The following TMEM8B variants were observed in gnomAD, a reference collection of about 807,000 sequenced individuals.
The protein encoded by TMEM8B is nasopharyngeal carcinoma expressed 6.
A neutral mutation model predicts 49.3 loss-of-function variants in TMEM8B; 29 were observed. The ratio of observed to expected loss-of-function variants is 0.59; its 90% CI spans 0.44 to 0.80. The LOEUF is 0.80. Among genes scored for constraint, TMEM8B ranks in the 30% least tolerant of loss-of-function variants. The probability of loss-of-function intolerance (pLI) is 0.00; values close to 1 mark genes in which losing one functional copy is unlikely to be tolerated. For missense variants in TMEM8B, 575 were observed against 658.5 expected (o/e 0.87, Z 1.39); for synonymous variants, 264 against 272.8 (o/e 0.97, Z 0.32).
Position 35,842,418 on chromosome 9 carries a change from G to T in TMEM8B, c.1336G>T (p.Ala446Ser), listed in dbSNP as rs754908600. The part of the protein sequence containing the change: ...QECPQPGLLR[A>S]LVPGAAMNMP... ...GTGCCCACAGCCCGGCCTGCTCCGAGCCCTGGTCCCTGGAGCTGCCATGAA... is the reference window on the plus strand; with the variant it reads ...GTGCCCACAGCCCGGCCTGCTCCGATCCCTGGTCCCTGGAGCTGCCATGAA... The change falls in exon 6 of 13, where the codon GCC (alanine) becomes TCC (serine). Residue 446 changes from alanine (A) to serine (S), a missense_variant. Ala to Ser is a moderately conservative substitution (Grantham distance 99). Coordinates refer to ENST00000643932, the MANE Select transcript of TMEM8B (RefSeq NM_001042590.4). The surrounding 1 kb of genome is among the most constrained non-coding windows in gnomAD (Gnocchi z 5.6). The T allele has an allele frequency of 1.9e-6, 3 of 1,544,372 alleles. No homozygotes were observed. Among genetic ancestry groups the T allele is most frequent in the African/African-American group, 2.7e-5 (2 of 73,290 alleles).
chr9:35,833,217 A>T, intron 1 of TMEM8B: 1 of 571,312 alleles, frequency 1.8e-6, no homozygotes. Context: ...AGATGATTGG[A>T]CTAGGTTAGC....
chr9:35,846,386 G>A lies in TMEM8B; in HGVS notation c.1853+5G>A. Reference sequence around the variant, plus strand: ...CCTGTGCGGGGTGGGGCCTCGGTGAGCGGTGCGGGGCGGGGCCAGGGCTGG... The same window carrying A: ...CCTGTGCGGGGTGGGGCCTCGGTGAACGGTGCGGGGCGGGGCCAGGGCTGG... On this transcript the variant is annotated splice_donor_5th_base_variant and intron_variant, in intron 8 of 12. Transcript: ENST00000643932. 1.2e-6 allele frequency: 2 copies of A among 1,609,672 alleles called. No individual in the cohort carries two copies. The highest frequency in any genetic ancestry group is 1.7e-6 in the Non-Finnish European group (2 of 1,177,792).
At chr9:35,843,851 T>C (rs1831256738) in intron 6 of TMEM8B, among the ~76,000 whole-genome samples, 1 of 150,552 alleles carries the variant, frequency 6.6e-6, no homozygotes, top group Non-Finnish European at 1.5e-5. Flanking sequence ...CAACCTCCAC[T>C]TCGCAGGTTC....
chr9:35,840,624 C>T (rs898991015), intron 3 of TMEM8B, among the ~76,000 whole-genome samples: 21 of 151,690 alleles, frequency 1.4e-4, no homozygotes, highest in African/African-American at 4.8e-5. Flanking sequence ...CACGTGGGAG[C>T]GGGGCAGGGT....
intron 3 of TMEM8B, among the ~76,000 whole-genome samples, chr9:35,839,744 A>C (rs189948748): frequency 6.6e-6 from 1 of 152,130 alleles, no homozygotes; most frequent in African/African-American, 2.4e-5. Context: ...AGGTGGGGTC[A>C]GTGCAGTGAC....
rs1829610227 is a variant in TMEM8B at position 35,829,427 on chromosome 9, G to GCCCCGC, written c.-11_-6dup. 5 of 342,548 alleles carry GCCCCGC rather than the reference G, an allele frequency of 1.5e-5. No homozygotes were observed. Among genetic ancestry groups the GCCCCGC allele is most frequent in the East Asian group, 1.3e-4 (3 of 23,346 alleles). 21.2% of individuals were successfully genotyped at this position (342,548 alleles called of 1,614,324 possible). ...CGAGCGCCCCGCGCTGGCCTGTCCG[G>GCCCCGC]CCCCGCCCCCGCCCCGGGCCATGGC... On this transcript the variant is annotated 5_prime_UTR_variant, in exon 1 of 13. Transcript: ENST00000643932.
rs1832259942 is a variant in TMEM8B, at chr9:35,852,698, C to A, written c.2176-129C>A. 12 of 1,080,218 alleles carry A rather than the reference C, an allele frequency of 1.1e-5. No homozygotes were observed. In the South Asian group the frequency reaches 1.8e-4, roughly 16 times the overall value. The allele number at this position is 1,080,218 out of a possible 1,614,324, so 66.9% of individuals were successfully genotyped here. ...TTGGGGAGTCAGGCATTTCCCAGATCTTCTCATCTGTGACCTTTCACCTCT... is the reference window on the plus strand; with the variant it reads ...TTGGGGAGTCAGGCATTTCCCAGATATTCTCATCTGTGACCTTTCACCTCT... On this transcript the variant is annotated intron_variant, in intron 10 of 12. Coordinates refer to ENST00000643932, the MANE Select transcript of TMEM8B (RefSeq NM_001042590.4).
At chr9:35,830,653 G>GTT (rs1452242803) in intron 1 of TMEM8B, among the ~76,000 whole-genome samples, 1 of 96,188 alleles carries the variant, frequency 1.0e-5, no homozygotes, top group Non-Finnish European at 2.4e-5. Context: ...TCATACTAGT[G>GTT]TGTTTTTTTT....
chr9:35,837,572 A>T (rs1830562109), intron 3 of TMEM8B, among the ~76,000 whole-genome samples: 2 of 152,084 alleles, frequency 1.3e-5, no homozygotes, highest in South Asian at 4.1e-4. Flanking sequence ...TGACATTTGA[A>T]CTGTATCCTG....
intron 10 of TMEM8B, among the ~76,000 whole-genome samples, chr9:35,851,738 TG>T (rs749197443): frequency 2.0e-5 from 3 of 152,218 alleles, no homozygotes; most frequent in Admixed American, 6.5e-5. Flanking sequence ...AGTTTCCTGA[TG>T]CCAATTTATA....
chr9:35,847,333 T>G, intron 10 of TMEM8B: 1 of 624,106 alleles, frequency 1.6e-6, no homozygotes, highest in Non-Finnish European at 2.9e-6. Context: ...GTCTGCACAG[T>G]CACCATGTTC....
At chr9:35,830,072 G>T (rs375514173) in intron 1 of TMEM8B, 117 bp downstream of exon 1, 1 of 403,026 alleles carries the variant, frequency 2.5e-6, no homozygotes, top group South Asian at 1.4e-4. Flanking sequence ...GAGCAAGTGG[G>T]AGAAATAGAG....
rs563621107 is a variant in TMEM8B, at chr9:35,865,207, C to T, written c.*11367C>T. ...GCCATAGGCTCCAGGCCCATAAGCC[C>T]GGCTTCACTAGGCCTGGGTGTCTGG... is the stretch of plus-strand genomic sequence containing the variant. On this transcript the variant is annotated 3_prime_UTR_variant, in exon 13 of 13. Transcript: ENST00000643932. The T allele has an allele frequency of 6.6e-6, 1 of 152,338 alleles. No individual in the cohort carries two copies. Among genetic ancestry groups the T allele is most frequent in the Admixed American group, 6.5e-5 (1 of 15,308 alleles). 9.4% of individuals were successfully genotyped at this position (152,338 alleles called of 1,614,324 possible).
Position 35,853,315 on chromosome 9 carries a change from C to G in TMEM8B, c.2439+58C>G, listed in dbSNP as rs1832324779. On this transcript the variant is annotated intron_variant, in intron 12 of 12. Coordinates refer to ENST00000643932, the MANE Select transcript of TMEM8B (RefSeq NM_001042590.4). This position sits in a 1 kb window ranked among gnomAD's most constrained non-coding sequence, Gnocchi z 4.2. ...CCAGCAGGACTTGGGTGCTGGGCCC[C>G]AGGTATCTGGTCCCCAGTTTAAGGT... 1 of 1,510,836 alleles carries G rather than the reference C, an allele frequency of 6.6e-7. No individual in the cohort carries two copies. Among genetic ancestry groups the G allele is most frequent in the Non-Finnish European group, 9.2e-7 (1 of 1,091,068 alleles). The allele number at this position is 1,510,836 out of a possible 1,614,324, so 93.6% of individuals were successfully genotyped here.
At position 35,846,387 on chromosome 9, in the gene TMEM8B, C is replaced by T. The variant is rs768832360; in HGVS notation, c.1853+6C>T. On this transcript the variant is annotated splice_donor_region_variant and intron_variant, in intron 8 of 12. Transcript: ENST00000643932. ...CTGTGCGGGGTGGGGCCTCGGTGAGCGGTGCGGGGCGGGGCCAGGGCTGGG... is the reference window on the plus strand; with the variant it reads ...CTGTGCGGGGTGGGGCCTCGGTGAGTGGTGCGGGGCGGGGCCAGGGCTGGG... 1.9e-6 allele frequency: 3 copies of T among 1,609,254 alleles called. No homozygotes were observed. The highest frequency in any genetic ancestry group is 1.7e-6 in the Non-Finnish European group (2 of 1,177,590).
chr9:35,846,731 C>A, intron 9 of TMEM8B, 86 bp from the exon 10 acceptor site: 3 of 1,544,822 alleles, frequency 1.9e-6, no homozygotes, highest in African/African-American at 1.4e-5. Context: ...TTGGCAGAGC[C>A]GGGGTGAGAC....
In TMEM8B at chr9:35,853,969, AACTCTTCC is replaced by A; in HGVS notation, c.*131_*138del. Reference sequence around the variant, plus strand: ...CATGGAGTCTTTCTCAAGGACACAAAACTCTTCCAGGGACCTGGAGCCCTTCCCAGGAC... The same window carrying A: ...CATGGAGTCTTTCTCAAGGACACAAAAGGGACCTGGAGCCCTTCCCAGGAC... On this transcript the variant is annotated 3_prime_UTR_variant, in exon 13 of 13. Transcript: ENST00000643932. The surrounding 1 kb of genome is among the most constrained non-coding windows in gnomAD (Gnocchi z 4.2). 7.2e-7 allele frequency: 1 copy of A among 1,379,776 alleles called. No homozygotes were observed. The highest frequency in any genetic ancestry group is 9.3e-7 in the Non-Finnish European group (1 of 1,070,896). 85.5% of individuals were successfully genotyped at this position (1,379,776 alleles called of 1,614,324 possible).
intron 6 of TMEM8B, among the ~76,000 whole-genome samples, chr9:35,843,954 G>T (rs1157860917): frequency 6.6e-6 from 1 of 152,084 alleles, no homozygotes; most frequent in African/African-American, 2.4e-5. Context: ...AGTAGAGACT[G>T]GGTTTCACCA....
intron 3 of TMEM8B, chr9:35,835,455 A>T: frequency 2.7e-6 from 1 of 371,466 alleles, no homozygotes; most frequent in Non-Finnish European, 4.8e-6. Flanking sequence ...AGCTGAAGGG[A>T]AAGTTGAGAA....
Sources: allele counts gnomAD v4.1 joint callset (sites outside exome capture counted in the v4.1 genomes callset), GRCh38; gene constraint gnomAD v4.1.1; non-coding constraint Gnocchi (gnomAD v3.1); transcripts MANE v1.5; gene names NCBI Gene and HGNC (gene_info 2026-07-23, HGNC 2026-07-21).